Variants in OR56A1 observed in about 807,000 individuals in gnomAD.
OR56A1 encodes olfactory receptor family 56 subfamily A member 1, also known as olfactory receptor 56A1.
For missense variants in OR56A1, 360 were observed against 380.9 expected (o/e 0.94, Z 0.46); for synonymous variants, 174 against 159.1 (o/e 1.09, Z -0.70).
In OR56A1 at chr11:6,027,277, A is replaced by G. The variant is rs1248374509; in HGVS notation, c.416T>C (p.Ile139Thr). 1 of 1,614,246 alleles carries G rather than the reference A, an allele frequency of 6.2e-7. No individual in the cohort carries two copies. Among genetic ancestry groups the G allele is most frequent in the African/African-American group, 1.3e-5 (1 of 75,066 alleles). The change falls in exon 2 of 2, where the codon ATC becomes ACC. Residue 139 changes from isoleucine (I) to threonine (T), a missense_variant. Coordinates refer to ENST00000641900, the MANE Select transcript of OR56A1 (RefSeq NM_001388488.1). ...AGCTTTGGCCACAAATTGATTAGTG[A>G]TGATGGATGGGTACCGCAGTGGGTG... is the stretch of plus-strand genomic sequence containing the variant. ...ICHPLRYPSI[I>T]TNQFVAKASV...
Position 6,027,509 on chromosome 11 carries a change from G to T in OR56A1, c.184C>A (p.Leu62Met), listed in dbSNP as rs1848466399. The change falls in exon 2 of 2, where the codon CTG becomes ATG. Residue 62 changes from leucine (L) to methionine (M), a missense_variant. Coordinates refer to ENST00000641900, the MANE Select transcript of OR56A1 (RefSeq NM_001388488.1). ...IQLEASLHQP[L>M]YYLLSLLSLL... ...GAGAGGAGGCTGAGCAGGTAGTACA[G>T]GGGCTGGTGCAGAGAGGCCTCCAGC... 1.2e-6 allele frequency: 2 copies of T among 1,614,096 alleles called. No individual in the cohort carries two copies. Among genetic ancestry groups the T allele is most frequent in the Non-Finnish European group, 1.7e-6 (2 of 1,180,018 alleles).
intron 1 of OR56A1, 47 bp from the exon 2 acceptor site, chr11:6,027,773 G>T: frequency 8.4e-7 from 1 of 1,195,752 alleles, no homozygotes; most frequent in Non-Finnish European, 1.2e-6. Flanking sequence ...AAATTGCTTT[G>T]AAAAGTATCC....
chr11:6,030,676 A>C (rs1471002400), intron 1 of OR56A1, 26 bp downstream of exon 1: 1 of 152,138 alleles, frequency 6.6e-6, no homozygotes, highest in African/African-American at 2.4e-5. Context: ...AAGGCTGTGC[A>C]TCTTATGCTT....
chr11:6,022,581 C>T lies in OR56A1; in HGVS notation c.*4167G>A, dbSNP rs1035594256. ...TATCCAGTGAAAGATTAAAAATATA[C>T]CTCAATCCCTAGACTCTGAAGAAGC... is the stretch of plus-strand genomic sequence containing the variant. On this transcript the variant is annotated 3_prime_UTR_variant, in exon 2 of 2. Transcript: ENST00000641900. The T allele has an allele frequency of 6.6e-6, 1 of 152,064 alleles. No homozygotes were observed. The highest frequency in any genetic ancestry group is 2.4e-5 in the African/African-American group (1 of 41,404). The allele number at this position is 152,064 out of a possible 1,614,324, so 9.4% of individuals were successfully genotyped here.
rs1848502214 is a variant in OR56A1 at position 6,030,518 on chromosome 11, A to T, written c.-35+184T>A. Among the ~76,000 whole-genome samples the T allele has an allele frequency of 2.0e-5, 3 of 152,142 alleles. No individual in the cohort carries two copies. In the South Asian group the frequency reaches 6.2e-4, roughly 32 times the overall value. On this transcript the variant is annotated intron_variant, in intron 1 of 1. Coordinates refer to ENST00000641900, the MANE Select transcript of OR56A1 (RefSeq NM_001388488.1). ...GAGGAAGGGAGGGAGGGGAGGAAGG[A>T]AAGCAGGCAATGCCATATATTATCT... is the stretch of plus-strand genomic sequence containing the variant.
upstream of OR56A1, among the ~76,000 whole-genome samples, chr11:6,031,007 A>G (rs1848506797): frequency 6.6e-6 from 1 of 152,208 alleles, no homozygotes; most frequent in Non-Finnish European, 1.5e-5. Flanking sequence ...GGCACAAAGG[A>G]AAATTTCTGA....
chr11:6,022,799 C>T lies in OR56A1; in HGVS notation c.*3949G>A, dbSNP rs1848409861. The T allele has an allele frequency of 6.6e-6, 1 of 152,134 alleles. No individual in the cohort carries two copies. Among genetic ancestry groups the T allele is most frequent in the South Asian group, 2.1e-4 (1 of 4,826 alleles). The allele number at this position is 152,134 out of a possible 1,614,324, so 9.4% of individuals were successfully genotyped here. A position where few individuals can be genotyped will look rare whatever the true frequency, so the allele number is the denominator to read the frequency against. On this transcript the variant is annotated 3_prime_UTR_variant, in exon 2 of 2. Coordinates refer to ENST00000641900, the MANE Select transcript of OR56A1 (RefSeq NM_001388488.1). ...TCCTGTATGTTCAGAGTGCTAATCACACGTAAAGAACTCAATAACTAATTT... is the reference window on the plus strand; with the variant it reads ...TCCTGTATGTTCAGAGTGCTAATCATACGTAAAGAACTCAATAACTAATTT...
chr11:6,028,971 A>G (rs1848484967), intron 1 of OR56A1, among the ~76,000 whole-genome samples: 1 of 152,162 alleles, frequency 6.6e-6, no homozygotes. Flanking sequence ...GAATGAAATC[A>G]TGTCTTTTGC....
At position 6,026,743 on chromosome 11, in the gene OR56A1, C is replaced by T; in HGVS notation, c.*5G>A. Reference sequence around the variant, plus strand: ...AACAGGAGGTATTAGAAATGCTTTACATATTCACCTCCCTCTCTGCAGTAA... The same window carrying T: ...AACAGGAGGTATTAGAAATGCTTTATATATTCACCTCCCTCTCTGCAGTAA... On this transcript the variant is annotated 3_prime_UTR_variant, in exon 2 of 2. Transcript: ENST00000641900. The T allele has an allele frequency of 6.6e-7, 1 of 1,525,694 alleles. No individual in the cohort carries two copies. The highest frequency in any genetic ancestry group is 1.4e-5 in the African/African-American group (1 of 72,844). 94.5% of individuals were successfully genotyped at this position (1,525,694 alleles called of 1,614,324 possible).
In OR56A1 at chr11:6,027,463, C is replaced by T. The variant is rs751030338; in HGVS notation, c.230G>A (p.Cys77Tyr). 8.1e-6 allele frequency: 13 copies of T among 1,614,136 alleles called. No homozygotes were observed. Among genetic ancestry groups the T allele is most frequent in the East Asian group, 2.2e-5 (1 of 44,874 alleles). ...SLLSLLDIVL[C>Y]LTVIPKVLAI... ...CAGGACCTTGGGGATGACGGTGAGG[C>T]AGAGCACGATGTCCAGCAGGGAGAG... Residue 77 changes from cysteine (C) to tyrosine (Y), a missense_variant, in exon 2 of 2, where the codon TGC (cysteine) becomes TAC (tyrosine). Cys to Tyr is a radical substitution (Grantham distance 194). Coordinates refer to ENST00000641900, the MANE Select transcript of OR56A1 (RefSeq NM_001388488.1).
Position 6,023,112 on chromosome 11 carries a change from T to G in OR56A1, c.*3636A>C, listed in dbSNP as rs1848413712. 1.3e-5 allele frequency: 2 copies of G among 152,166 alleles called. No homozygotes were observed. Among genetic ancestry groups the G allele is most frequent in the African/African-American group, 4.8e-5 (2 of 41,438 alleles). The allele number at this position is 152,166 out of a possible 1,614,324, so 9.4% of individuals were successfully genotyped here. ...CTTGTCACGTTCTCTTTCAAACACCTGAGACTGAGAACTGGCATTCAATAC... is the reference window on the plus strand; with the variant it reads ...CTTGTCACGTTCTCTTTCAAACACCGGAGACTGAGAACTGGCATTCAATAC... On this transcript the variant is annotated 3_prime_UTR_variant, in exon 2 of 2. Transcript: ENST00000641900.
In OR56A1 at chr11:6,020,109, T is replaced by C. The variant is rs1387809893; in HGVS notation, c.*6639A>G. On this transcript the variant is annotated 3_prime_UTR_variant, in exon 2 of 2. Transcript: ENST00000641900. ...GTATCTCTCCTCCCCCACCACATAC[T>C]AACAACGGCATCTCTTGACAGACCA... The C allele has an allele frequency of 6.6e-6, 1 of 152,086 alleles. No individual in the cohort carries two copies. The highest frequency in any genetic ancestry group is 1.5e-5 in the Non-Finnish European group (1 of 67,964). 9.4% of individuals were successfully genotyped at this position (152,086 alleles called of 1,614,324 possible).
In OR56A1 at chr11:6,023,397, T is replaced by C. The variant is rs1848416621; in HGVS notation, c.*3351A>G. The stretch of plus-strand genomic sequence containing the variant: ...GTTCCCTCAACAATACTTAGGTGTT[T>C]GTTTTGAGCTTTGGCTACCAACATA... On this transcript the variant is annotated 3_prime_UTR_variant, in exon 2 of 2. Coordinates refer to ENST00000641900, the MANE Select transcript of OR56A1 (RefSeq NM_001388488.1). The C allele has an allele frequency of 6.6e-6, 1 of 152,222 alleles. No individual in the cohort carries two copies. The highest frequency in any genetic ancestry group is 1.5e-5 in the Non-Finnish European group (1 of 68,032). 9.4% of individuals were successfully genotyped at this position (152,222 alleles called of 1,614,324 possible).
Position 6,026,811 on chromosome 11 carries a change from C to A in OR56A1, c.882G>T (p.Val294=). The A allele has an allele frequency of 6.2e-7, 1 of 1,613,744 alleles. No individual in the cohort carries two copies. Among genetic ancestry groups the A allele is most frequent in the Non-Finnish European group, 8.5e-7 (1 of 1,179,658 alleles). The change falls in exon 2 of 2, where the codon GTG becomes GTT. Residue 294 remains valine, a synonymous_variant. Coordinates refer to ENST00000641900, the MANE Select transcript of OR56A1 (RefSeq NM_001388488.1). ...TTATCTCTTTGGTCCGAACCCCATA[C>A]ACAATAGGGTTCAATGCAGGAGGAA... The part of the protein sequence containing the change: ...HLIPPALNPI[V]YGVRTKEIKQ...
chr11:6,026,291 G>A lies in OR56A1; in HGVS notation c.*457C>T, dbSNP rs1332441693. Reference sequence around the variant, plus strand: ...TAAGAATAGGCAGAAAATACCTGTCGACATCCAGAAAGACAAAATACAGGT... The same window carrying A: ...TAAGAATAGGCAGAAAATACCTGTCAACATCCAGAAAGACAAAATACAGGT... On this transcript the variant is annotated 3_prime_UTR_variant, in exon 2 of 2. Coordinates refer to ENST00000641900, the MANE Select transcript of OR56A1 (RefSeq NM_001388488.1). 6.5e-6 allele frequency: 1 copy of A among 154,452 alleles called. No individual in the cohort carries two copies. Among genetic ancestry groups the A allele is most frequent in the Non-Finnish European group, 1.4e-5 (1 of 69,578 alleles). The allele number at this position is 154,452 out of a possible 1,614,324, so 9.6% of individuals were successfully genotyped here.
rs966121953 is a variant in OR56A1 at position 6,021,921 on chromosome 11, C to T, written c.*4827G>A. ...CTAACTGAATTCTACACTTCATTTC[C>T]AGTTGGAAATCATCTGCTCCGCCAT... On this transcript the variant is annotated 3_prime_UTR_variant, in exon 2 of 2. Coordinates refer to ENST00000641900, the MANE Select transcript of OR56A1 (RefSeq NM_001388488.1). The T allele has an allele frequency of 6.6e-6, 1 of 152,084 alleles. No individual in the cohort carries two copies. The highest frequency in any genetic ancestry group is 2.4e-5 in the African/African-American group (1 of 41,416). 9.4% of individuals were successfully genotyped at this position (152,084 alleles called of 1,614,324 possible).
rs1220363124 is a variant in OR56A1 at position 6,027,194 on chromosome 11, A to T, written c.499T>A (p.Ser167Thr). The T allele has an allele frequency of 5.0e-6, 8 of 1,614,212 alleles. No homozygotes were observed. Among genetic ancestry groups the T allele is most frequent in the Non-Finnish European group, 6.8e-6 (8 of 1,180,020 alleles). Reference sequence around the variant, plus strand: ...TTTTCCCCACAGTAATGGAGCAGGGAAGTGAGGATAGGAATGGGTGCAGTA... The same window carrying T: ...TTTTCCCCACAGTAATGGAGCAGGGTAGTGAGGATAGGAATGGGTGCAGTA... ...LLTAPIPILT[S>T]LLHYCGENVI... The change falls in exon 2 of 2, where the codon TCC becomes ACC. Residue 167 changes from serine to threonine, a missense_variant. Ser to Thr is a moderately conservative substitution (Grantham distance 58, BLOSUM62 1). Coordinates refer to ENST00000641900, the MANE Select transcript of OR56A1 (RefSeq NM_001388488.1).
rs755377121 is a variant in OR56A1 at position 6,027,217 on chromosome 11, G to A, written c.476C>T (p.Thr159Ile). 6.2e-7 allele frequency: 1 copy of A among 1,614,122 alleles called. No homozygotes were observed. Among genetic ancestry groups the A allele is most frequent in the South Asian group, 1.1e-5 (1 of 91,084 alleles). The change falls in exon 2 of 2, where the codon ACT (threonine) becomes ATT (isoleucine). Residue 159 changes from threonine to isoleucine, a missense_variant. Physicochemically the swap from Thr to Ile is moderately conservative, Grantham distance 89. Coordinates refer to ENST00000641900, the MANE Select transcript of OR56A1 (RefSeq NM_001388488.1). ...GGAAGTGAGGATAGGAATGGGTGCA[G>A]TAAGAAGCGCATTCCGCACCACAAT... Reference protein sequence around the residue: ...VFIVVRNALLTAPIPILTSLL... With the variant: ...VFIVVRNALLIAPIPILTSLL...
rs1161316098 is a variant in OR56A1, at chr11:6,027,288, G to C, written c.405C>G (p.Tyr135Ter). 6.2e-7 allele frequency: 1 copy of C among 1,614,194 alleles called. No homozygotes were observed. Residue 135 changes from tyrosine (Y) to a stop codon, truncating the protein, a stop_gained, in exon 2 of 2, where the codon TAC becomes TAG. Coordinates refer to ENST00000641900, the MANE Select transcript of OR56A1 (RefSeq NM_001388488.1). LOFTEE classifies it low-confidence loss of function (END_TRUNC). The stretch of plus-strand genomic sequence containing the variant: ...CAAATTGATTAGTGATGATGGATGG[G>C]TACCGCAGTGGGTGGCAGATGGCCA... ...RYVAICHPLR[Y>*]PSIITNQFVA...
Sources: gnomAD v4.1 joint callset for allele counts (sites outside exome capture counted in the v4.1 genomes callset) on GRCh38, gnomAD v4.1.1 for gene constraint, MANE v1.5 for transcripts, NCBI Gene and HGNC (gene_info 2026-07-23, HGNC 2026-07-21) for gene names.